The following POU6F2 variants were observed in gnomAD, a reference collection of about 807,000 sequenced individuals.
The protein encoded by POU6F2 is POU class 6 homeobox 2, also known as POU domain, class 6, transcription factor 2.
Under a neutral mutation model 71.3 loss-of-function variants are expected in POU6F2, and 31 were observed. That is an observed-to-expected ratio of 0.43 (90% CI 0.33 to 0.59). The LOEUF is 0.59. Among genes scored for constraint, POU6F2 ranks in the 20% least tolerant of loss-of-function variants. The pLI is 0.04. For missense variants in POU6F2, 783 were observed against 856.8 expected (o/e 0.91, Z 1.07); for synonymous variants, 347 against 355.7 (o/e 0.98, Z 0.27).
intron 4 of POU6F2, among the ~76,000 whole-genome samples, chr7:39,214,311 A>T (rs1794198206): frequency 1.3e-5 from 2 of 152,106 alleles, no homozygotes. Flanking sequence ...CCCACCCAGA[A>T]AGCATCAAGC....
rs1584493573 is a variant in POU6F2 at position 39,007,012 on chromosome 7, C to T, written c.105+28954C>T. 8.9e-6 allele frequency: 7 copies of T among 783,304 alleles called. No individual in the cohort carries two copies. In the East Asian group the frequency reaches 1.7e-4, roughly 19 times the overall value. The allele number at this position is 783,304 out of a possible 1,614,324, so 48.5% of individuals were successfully genotyped here. A position where few individuals can be genotyped will look rare whatever the true frequency, so the allele number is the denominator to read the frequency against. On this transcript the variant is annotated intron_variant, in intron 1 of 9. Transcript: ENST00000518318. ...TGAGATTCCCTTATGCTCTGATGTG[C>T]TGCTTCTCCAAAACGTTAGATTTAT... is the stretch of plus-strand genomic sequence containing the variant.
chr7:39,230,249 AC>A (rs1794550272), intron 4 of POU6F2, among the ~76,000 whole-genome samples: 1 of 152,112 alleles, frequency 6.6e-6, no homozygotes, highest in Non-Finnish European at 1.5e-5. Context: ...GGAGGCTGAG[AC>A]AGGAGGATTC....
At chr7:39,405,240 ATAAT>A (rs1335663226) in intron 5 of POU6F2, among the ~76,000 whole-genome samples, 4 of 152,324 alleles carry the variant, frequency 2.6e-5, no homozygotes, top group Admixed American at 6.5e-5. Context: ...GTTTTCTCTG[ATAAT>A]TAATATTTCC....
chr7:39,132,060 C>T (rs1792296937), intron 2 of POU6F2, among the ~76,000 whole-genome samples: 1 of 152,130 alleles, frequency 6.6e-6, no homozygotes, highest in Non-Finnish European at 1.5e-5. Flanking sequence ...TTATTATTGA[C>T]TATAGTCACC....
intron 1 of POU6F2, among the ~76,000 whole-genome samples, chr7:38,988,520 G>T (rs1169522262): frequency 6.6e-6 from 1 of 152,030 alleles, no homozygotes; most frequent in Non-Finnish European, 1.5e-5. Context: ...TGGGGCTGTT[G>T]TAAACTTTCT....
intron 4 of POU6F2, among the ~76,000 whole-genome samples, chr7:39,217,004 G>C (rs1441477506): frequency 6.6e-6 from 1 of 152,034 alleles, no homozygotes; most frequent in Non-Finnish European, 1.5e-5. Context: ...AAGTATTACT[G>C]GTAGGTGCCA....
chr7:39,237,824 C>A (rs1312294358), intron 4 of POU6F2, among the ~76,000 whole-genome samples: 7 of 152,020 alleles, frequency 4.6e-5, no homozygotes, highest in Non-Finnish European at 1.0e-4. Context: ...AAAAGCATGT[C>A]CCTTTCTGAA....
intron 4 of POU6F2, among the ~76,000 whole-genome samples, chr7:39,242,554 T>A (rs1227484179): frequency 1.3e-5 from 2 of 151,424 alleles, no homozygotes; most frequent in Non-Finnish European, 2.9e-5. Flanking sequence ...TTGGGGGGGG[T>A]CATGATATGG....
Position 39,114,870 on chromosome 7 carries a change from A to G in POU6F2, c.277+28839A>G, listed in dbSNP as rs369583963. 5.4e-4 allele frequency among the ~76,000 whole-genome samples: 82 copies of G among 152,308 alleles called. No homozygotes were observed. In the South Asian group the frequency reaches 0.016, roughly 30 times the overall value. ...CATAATATTAGTTACTCACATACAT[A>G]TGTGAGTACACATGCAGACAGATAG... is the stretch of plus-strand genomic sequence containing the variant. On this transcript the variant is annotated intron_variant, in intron 2 of 9. Transcript: ENST00000518318.
chr7:39,133,134 G>A (rs1389976934), intron 2 of POU6F2, among the ~76,000 whole-genome samples: 1 of 152,196 alleles, frequency 6.6e-6, no homozygotes, highest in African/African-American at 2.4e-5. Context: ...AGTGTTTTCT[G>A]TCATTTGCAT....
chr7:38,999,076 A>G (rs370583495), intron 1 of POU6F2, among the ~76,000 whole-genome samples: 30 of 152,190 alleles, frequency 2.0e-4, no homozygotes, highest in African/African-American at 6.7e-4. Flanking sequence ...GCAATGGGCT[A>G]TGTTCTTTAG....
chr7:39,338,855 A>C (rs1237508727), intron 4 of POU6F2, among the ~76,000 whole-genome samples: 1 of 151,904 alleles, frequency 6.6e-6, no homozygotes, highest in Non-Finnish European at 1.5e-5. Context: ...TCTCCCACCA[A>C]CTCTACCTTT....
At chr7:39,357,408 G>C (rs1197834308) in intron 5 of POU6F2, among the ~76,000 whole-genome samples, 1 of 152,346 alleles carries the variant, frequency 6.6e-6, no homozygotes, top group East Asian at 1.9e-4. Flanking sequence ...CTAGGGTTCA[G>C]AGGAAGCTGG....
intron 4 of POU6F2, among the ~76,000 whole-genome samples, chr7:39,217,222 A>G (rs1423901190): frequency 6.6e-6 from 1 of 151,888 alleles, no homozygotes; most frequent in Non-Finnish European, 1.5e-5. Flanking sequence ...AAAGAATACA[A>G]CCGCAAAGCA....
At chr7:39,078,292 A>G (rs1011246040) in intron 1 of POU6F2, among the ~76,000 whole-genome samples, 2 of 152,208 alleles carry the variant, frequency 1.3e-5, no homozygotes, top group Non-Finnish European at 2.9e-5. Context: ...AGATATGGCA[A>G]AGTTCTAGGA....
chr7:39,030,952 G>A (rs1437485686), intron 1 of POU6F2, among the ~76,000 whole-genome samples: 2 of 152,016 alleles, frequency 1.3e-5, no homozygotes, highest in Non-Finnish European at 2.9e-5. Context: ...CCGGGCTGGA[G>A]GGCAGTGGTG....
intron 2 of POU6F2, among the ~76,000 whole-genome samples, chr7:39,167,574 C>T (rs1389041138): frequency 6.6e-6 from 1 of 152,054 alleles, no homozygotes; most frequent in African/African-American, 2.4e-5. Context: ...TCACTTAAGT[C>T]GGTACTACAA....
chr7:39,386,374 A>G (rs1158084650), intron 5 of POU6F2, among the ~76,000 whole-genome samples: 2 of 152,208 alleles, frequency 1.3e-5, no homozygotes, highest in African/African-American at 4.8e-5. Flanking sequence ...ACAGGGTGGC[A>G]GAGCCTCCTT....
intron 7 of POU6F2, among the ~76,000 whole-genome samples, chr7:39,438,410 G>A (rs1788304602): frequency 6.6e-6 from 1 of 152,170 alleles, no homozygotes; most frequent in African/African-American, 2.4e-5. Context: ...AAACATACAT[G>A]TGCATGTGTC....
Sources: gnomAD v4.1 joint callset for allele counts (sites outside exome capture counted in the v4.1 genomes callset) on GRCh38, gnomAD v4.1.1 for gene constraint, MANE v1.5 for transcripts, NCBI Gene and HGNC (gene_info 2026-07-23, HGNC 2026-07-21) for gene names.